The following ADIRF variants were observed in gnomAD, a reference collection of about 807,000 sequenced individuals.
ADIRF encodes the protein adipogenesis regulatory factor, also known as adipogenesis factor rich in obesity.
In ADIRF, 9 loss-of-function variants were observed where a neutral mutation model predicts 7.8. The ratio of observed to expected loss-of-function variants is 1.15; its 90% confidence interval spans 0.70 to 2.01. The LOEUF (loss-of-function observed/expected upper bound fraction) is 2.01, where lower values mean the gene tolerates loss of function less well. ADIRF is among the 30% of genes most tolerant of loss of function. ADIRF has a pLI of 0.00. For synonymous variants in ADIRF, 48 were observed against 39.9 expected, an observed-to-expected ratio of 1.20 and a Z score of -0.77; for missense variants, 106 against 98.1, an observed-to-expected ratio of 1.08 and a Z score of -0.34.
intron 2 of ADIRF, 26 bp downstream of exon 2, chr10:86,970,288 G>A (rs1177722883): frequency 1.4e-6 from 2 of 1,476,796 alleles, no homozygotes; most frequent in Admixed American, 5.0e-5. Context: ...AGGGAGGCGG[G>A]CAACCCCAGC....
At chr10:86,968,855 C>T in intron 1 of ADIRF, 1 of 478,526 alleles carries the variant, frequency 2.1e-6, no homozygotes, top group Non-Finnish European at 3.6e-6. Flanking sequence ...GCGGGAGCCC[C>T]TCCAAGGAGG....
At position 86,970,410 on chromosome 10, in the gene ADIRF, C is replaced by T. The variant is rs114801219; in HGVS notation, c.125-66C>T. The T allele has an allele frequency of 8.5e-6, 13 of 1,531,968 alleles. No homozygotes were observed. In the South Asian group the frequency reaches 1.3e-4, roughly 15 times the overall value. The allele number at this position is 1,531,968 out of a possible 1,614,324, so 94.9% of individuals were successfully genotyped here. ...GGTCCCCCGGGAGACCCAGGCCAGG[C>T]TAAGCCTACAGGCACTGTGGTTCCC... On this transcript the variant is annotated intron_variant, in intron 2 of 2. Transcript: ENST00000372013.
In ADIRF at chr10:86,968,507, C is replaced by T. The variant is rs745579593; in HGVS notation, c.-38C>T. 2 of 1,612,182 alleles carry T rather than the reference C, an allele frequency of 1.2e-6. No individual in the cohort carries two copies. Among genetic ancestry groups the T allele is most frequent in the African/African-American group, 2.7e-5 (2 of 74,870 alleles). Reference sequence around the variant, plus strand: ...ACTCTGGGCAGGATCCAACGTCGCTCCAGCTGCTCTTGACGACTCCACAGA... The same window carrying T: ...ACTCTGGGCAGGATCCAACGTCGCTTCAGCTGCTCTTGACGACTCCACAGA... On this transcript the variant is annotated 5_prime_UTR_variant, in exon 1 of 3. Transcript: ENST00000372013.
At chr10:86,968,702 G>A (rs765192041) in intron 1 of ADIRF, 97 bp downstream of exon 1, 69 of 1,416,096 alleles carry the variant, frequency 4.9e-5, no homozygotes, top group Middle Eastern at 3.6e-4. Context: ...TTCCTGGACC[G>A]GCAGCTTGGC....
At chr10:86,968,875 C>T (rs1046636660) in intron 1 of ADIRF, 6 of 439,896 alleles carry the variant, frequency 1.4e-5, no homozygotes, top group Middle Eastern at 5.8e-4. Context: ...GCCATGCTGG[C>T]GCTGGGCGGC....
Position 86,968,570 on chromosome 10 carries a change from T to C in ADIRF, c.26T>C (p.Leu9Pro). 1 of 1,613,438 alleles carries C rather than the reference T, an allele frequency of 6.2e-7. No homozygotes were observed. Among genetic ancestry groups the C allele is most frequent in the Non-Finnish European group, 8.5e-7 (1 of 1,179,774 alleles). Residue 9 changes from leucine (L) to proline (P), a missense_variant, in exon 1 of 3, where the codon CTG becomes CCG. Physicochemically the swap from Leu to Pro is moderately conservative, Grantham distance 98. Coordinates refer to ENST00000372013, the MANE Select transcript of ADIRF (RefSeq NM_006829.3). The stretch of plus-strand genomic sequence containing the variant: ...ATGGCAAGCAAGGGCTTGCAGGACC[T>C]GAAGCAACAGGTGGAGGGGACCGCC... MASKGLQD[L>P]KQQVEGTAQE... is the part of the protein sequence containing the mutation.
Position 86,970,784 on chromosome 10 carries a change from A to C in ADIRF, c.*202A>C, listed in dbSNP as rs1844587071. On this transcript the variant is annotated 3_prime_UTR_variant, in exon 3 of 3. Coordinates refer to ENST00000372013, the MANE Select transcript of ADIRF (RefSeq NM_006829.3). ...AAGCTGGGCCCAGTCCTCTCATCCCAAGAGCAGAGCCACCGTAGCCGGAGT... is the reference window on the plus strand; with the variant it reads ...AAGCTGGGCCCAGTCCTCTCATCCCCAGAGCAGAGCCACCGTAGCCGGAGT... The C allele has an allele frequency of 3.1e-6, 2 of 646,536 alleles. No individual in the cohort carries two copies. Among genetic ancestry groups the C allele is most frequent in the Non-Finnish European group, 5.7e-6 (2 of 349,940 alleles). The allele number at this position is 646,536 out of a possible 1,614,324, so 40.0% of individuals were successfully genotyped here. A position where few individuals can be genotyped will look rare whatever the true frequency, so the allele number is the denominator to read the frequency against.
chr10:86,969,551 G>GCCC (rs34804110), intron 1 of ADIRF: 6 of 152,002 alleles, frequency 3.9e-5, no homozygotes, highest in African/African-American at 1.5e-4. Flanking sequence ...CCACCTGTCA[G>GCCC]CCCCCCCGGG....
At chr10:86,968,715 G>A (rs1313354150) in intron 1 of ADIRF, 110 bp downstream of exon 1, 3 of 1,297,388 alleles carry the variant, frequency 2.3e-6, no homozygotes, top group African/African-American at 1.5e-5. Flanking sequence ...AGCTTGGCTC[G>A]GAAGGCTCGG....
Position 86,968,539 on chromosome 10 carries a change from G to A in ADIRF, c.-6G>A, listed in dbSNP as rs1330808695. The A allele has an allele frequency of 1.4e-5, 22 of 1,613,598 alleles. No homozygotes were observed. The highest frequency in any genetic ancestry group is 1.8e-5 in the Non-Finnish European group (21 of 1,179,826). On this transcript the variant is annotated 5_prime_UTR_variant, in exon 1 of 3. Transcript: ENST00000372013. ...CTCTTGACGACTCCACAGATACCCC[G>A]AAGCCATGGCAAGCAAGGGCTTGCA... is the stretch of plus-strand genomic sequence containing the variant.
Position 86,970,905 on chromosome 10 carries a change from C to T in ADIRF, c.*323C>T. 4.5e-6 allele frequency: 2 copies of T among 446,368 alleles called. No individual in the cohort carries two copies. The highest frequency in any genetic ancestry group is 3.3e-5 in the South Asian group (2 of 59,838). The allele number at this position is 446,368 out of a possible 1,614,324, so 27.7% of individuals were successfully genotyped here. Reference sequence around the variant, plus strand: ...CGAAGCTCCCAGACCGGAGGCTCAGCCCCCATCTCGGTTAGTGCCCCTCTC... The same window carrying T: ...CGAAGCTCCCAGACCGGAGGCTCAGTCCCCATCTCGGTTAGTGCCCCTCTC... On this transcript the variant is annotated 3_prime_UTR_variant, in exon 3 of 3. Transcript: ENST00000372013.
rs1479659970 is a variant in ADIRF at position 86,970,538 on chromosome 10, G to A, written c.187G>A (p.Asp63Asn). Residue 63 changes from aspartate to asparagine, a missense_variant, in exon 3 of 3, where the codon GAC becomes AAC. Transcript: ENST00000372013. ...CGACAAGACTGCTAACCAGGCCTCT[G>A]ACACCTTCTCTGGGATTGGGAAAAA... ...TIDKTANQAS[D>N]TFSGIGKKFG... 8 of 1,613,510 alleles carry A rather than the reference G, an allele frequency of 5.0e-6. No individual in the cohort carries two copies. The highest frequency in any genetic ancestry group is 1.1e-5 in the South Asian group (1 of 90,854).
intron 1 of ADIRF, chr10:86,969,908 TTC>T: frequency 3.8e-6 from 1 of 260,158 alleles, no homozygotes; most frequent in Admixed American, 5.3e-5. Flanking sequence ...CTGCCCTGCC[TTC>T]CTTCCTCTGT....
In ADIRF at chr10:86,970,216, G is replaced by A. The variant is rs368450847; in HGVS notation, c.78G>A (p.Ala26=). ...TAQEAVSAAG[A]AAQQVVDQAT... ...CTGTTCCAGTGTCAGCGGCCGGAGC[G>A]GCAGCTCAGCAAGTGGTGGACCAGG... The change falls in exon 2 of 3, where the codon GCG becomes GCA. Residue 26 remains alanine (A), a synonymous_variant. Coordinates refer to ENST00000372013, the MANE Select transcript of ADIRF (RefSeq NM_006829.3). The A allele has an allele frequency of 1.1e-5, 16 of 1,454,838 alleles. No homozygotes were observed. Among genetic ancestry groups the A allele is most frequent in the African/African-American group, 5.7e-5 (4 of 70,114 alleles). The allele number at this position is 1,454,838 out of a possible 1,614,324, so 90.1% of individuals were successfully genotyped here.
chr10:86,968,742 A>AG (rs1477708052), intron 1 of ADIRF, 137 bp downstream of exon 1: 4 of 970,974 alleles, frequency 4.1e-6, no homozygotes, highest in Non-Finnish European at 5.9e-6. Flanking sequence ...ACTGAGACGC[A>AG]GGGGGCAGGC....
chr10:86,970,389 C>A, intron 2 of ADIRF, 87 bp from the exon 3 acceptor site: 1 of 1,505,238 alleles, frequency 6.6e-7, no homozygotes. Flanking sequence ...CAAGCAGGTC[C>A]CCCGGGAGAC....
In ADIRF at chr10:86,970,063, G is replaced by A. The variant is rs532670244; in HGVS notation, c.62-137G>A. The A allele has an allele frequency of 8.6e-6, 7 of 815,014 alleles. No homozygotes were observed. The African/African-American group carries it at 8.8e-5, about 10-fold the overall frequency. The allele number at this position is 815,014 out of a possible 1,614,324, so 50.5% of individuals were successfully genotyped here. A position where few individuals can be genotyped will look rare whatever the true frequency, so the allele number is the denominator to read the frequency against. On this transcript the variant is annotated intron_variant, in intron 1 of 2. Transcript: ENST00000372013. ...TCGGGCTGGGGGGCCCTGGGCCAGG[G>A]ACTTTATCTCCATGGCATCCATCCC...
chr10:86,970,621 AG>A lies in ADIRF; in HGVS notation c.*42del, dbSNP rs760678243. 6.5e-7 allele frequency: 1 copy of A among 1,527,908 alleles called. No homozygotes were observed. Among genetic ancestry groups the A allele is most frequent in the Non-Finnish European group, 9.0e-7 (1 of 1,115,712 alleles). The allele number at this position is 1,527,908 out of a possible 1,614,324, so 94.6% of individuals were successfully genotyped here. A position where few individuals can be genotyped will look rare whatever the true frequency, so the allele number is the denominator to read the frequency against. ...TGGGTCGGCCTCCTGAAATGACAGC[AG>A]GGAGACTTGGGTGACCCCCCTTCCA... On this transcript the variant is annotated 3_prime_UTR_variant, in exon 3 of 3. Coordinates refer to ENST00000372013, the MANE Select transcript of ADIRF (RefSeq NM_006829.3).
intron 1 of ADIRF, chr10:86,969,702 C>T (rs1325061256): frequency 6.6e-6 from 1 of 152,516 alleles, no homozygotes; most frequent in African/African-American, 2.4e-5. Context: ...GCTTGTGTGC[C>T]CCTCCGGGCA....
Sources: gnomAD v4.1 joint callset for allele counts on GRCh38, gnomAD v4.1.1 for gene constraint, MANE v1.5 for transcripts, NCBI Gene and HGNC (gene_info 2026-07-23, HGNC 2026-07-21) for gene names.